Variants in CECR2 observed in about 807,000 individuals in gnomAD.
CECR2 encodes CECR2 histone acetyl-lysine reader.
A neutral mutation model predicts 154.5 loss-of-function variants in CECR2; 30 were observed. The observed-to-expected ratio is 0.19, with a 90% CI of 0.15 to 0.26. The LOEUF is 0.26. Among genes scored for constraint, CECR2 ranks in the 10% least tolerant of loss-of-function variants. CECR2 has a pLI of 1.00. For missense variants in CECR2, 1,743 were observed against 1,829.3 expected (o/e 0.95, Z 0.86); for synonymous variants, 725 against 683.7 (o/e 1.06, Z -0.94).
chr22:17,513,608 A>G (rs1361000693), intron 8 of CECR2, among the ~76,000 whole-genome samples: 1 of 152,202 alleles, frequency 6.6e-6, no homozygotes, highest in Non-Finnish European at 1.5e-5. Flanking sequence ...TGACAATTCT[A>G]TTCATGATTG....
chr22:17,472,104 T>C (rs1407680742), intron 1 of CECR2, among the ~76,000 whole-genome samples: 3 of 152,142 alleles, frequency 2.0e-5, no homozygotes, highest in Non-Finnish European at 4.4e-5. Context: ...AATGACATGG[T>C]TCCAGCAAAG....
intron 1 of CECR2, among the ~76,000 whole-genome samples, chr22:17,465,404 G>A (rs1171426860): frequency 1.3e-5 from 2 of 151,656 alleles, no homozygotes; most frequent in African/African-American, 4.8e-5. Flanking sequence ...GTCTTGGCTT[G>A]CTGCAATCTC....
At chr22:17,478,396 C>A (rs1397883336) in intron 2 of CECR2, among the ~76,000 whole-genome samples, 2 of 145,048 alleles carry the variant, frequency 1.4e-5, no homozygotes, top group Non-Finnish European at 3.0e-5. Context: ...CACTCTGTCG[C>A]CCAGGCTGGA....
chr22:17,362,379 C>T (rs1213050298), intron 1 of CECR2, among the ~76,000 whole-genome samples: 1 of 152,100 alleles, frequency 6.6e-6, no homozygotes, highest in Non-Finnish European at 1.5e-5. Flanking sequence ...CAAGTGAGTA[C>T]TGATTATTTA....
intron 1 of CECR2, among the ~76,000 whole-genome samples, chr22:17,415,493 T>C (rs1184227777): frequency 6.6e-6 from 1 of 152,192 alleles, no homozygotes; most frequent in Non-Finnish European, 1.5e-5. Context: ...CTTCCTGCCT[T>C]GGCCTCCCAA....
At chr22:17,394,128 C>A (rs1334168938) in intron 1 of CECR2, among the ~76,000 whole-genome samples, 1 of 151,120 alleles carries the variant, frequency 6.6e-6, no homozygotes, top group Non-Finnish European at 1.5e-5. Context: ...CTCAGGTGAT[C>A]CACCTGCCTC....
chr22:17,478,090 A>T (rs12157684), intron 2 of CECR2, among the ~76,000 whole-genome samples: 4,507 of 140,770 alleles, frequency 0.032, 227 homozygotes, highest in African/African-American at 0.11. Context: ...CTGATGTAAT[A>T]AAAAAAAAAG....
chr22:17,480,886 A>C (rs1248314023), intron 2 of CECR2, among the ~76,000 whole-genome samples: 1 of 151,686 alleles, frequency 6.6e-6, no homozygotes, highest in Admixed American at 6.6e-5. Context: ...CTAAAAATAC[A>C]AAAATTAGCC....
chr22:17,506,596 G>A (rs979243717), intron 7 of CECR2, among the ~76,000 whole-genome samples: 1 of 152,114 alleles, frequency 6.6e-6, no homozygotes, highest in African/African-American at 2.4e-5. Flanking sequence ...CAAGGACCAT[G>A]TCTTATCTTT....
intron 1 of CECR2, among the ~76,000 whole-genome samples, chr22:17,438,803 T>C (rs1023225471): frequency 2.0e-5 from 3 of 152,206 alleles, no homozygotes; most frequent in Non-Finnish European, 4.4e-5. Context: ...GTGTGTTATT[T>C]CTTATTGATT....
chr22:17,468,829 A>G (rs2055074753), intron 1 of CECR2, among the ~76,000 whole-genome samples: 1 of 152,164 alleles, frequency 6.6e-6, no homozygotes, highest in Non-Finnish European at 1.5e-5. Flanking sequence ...AAAGAAATGT[A>G]TTTCTCGTAG....
intron 1 of CECR2, among the ~76,000 whole-genome samples, chr22:17,431,925 GCAGGC>G (rs2054430144): frequency 6.6e-6 from 1 of 152,162 alleles, no homozygotes; most frequent in Non-Finnish European, 1.5e-5. Context: ...AAACCTTTCA[GCAGGC>G]ACACTCCACT....
intron 1 of CECR2, among the ~76,000 whole-genome samples, chr22:17,446,495 AT>A: frequency 6.6e-6 from 1 of 152,162 alleles, no homozygotes; most frequent in Non-Finnish European, 1.5e-5. Flanking sequence ...AGGCGGGCGG[AT>A]CACGAGGTCA....
chr22:17,435,745 C>T (rs995923760), intron 1 of CECR2, among the ~76,000 whole-genome samples: 1 of 139,414 alleles, frequency 7.2e-6, no homozygotes, highest in Non-Finnish European at 1.5e-5. Context: ...TCCAGTGAAA[C>T]GGTGATTTTT....
At chr22:17,390,189 T>C (rs2063311540) in intron 1 of CECR2, among the ~76,000 whole-genome samples, 1 of 152,216 alleles carries the variant, frequency 6.6e-6, no homozygotes, top group South Asian at 2.1e-4. Context: ...AGTGTTTGTC[T>C]TTCTTGAGCT....
At chr22:17,397,562 A>C (rs540983351) in intron 1 of CECR2, among the ~76,000 whole-genome samples, 20 of 151,972 alleles carry the variant, frequency 1.3e-4, no homozygotes, top group South Asian at 4.2e-4. Flanking sequence ...CAGTGGCGCT[A>C]TCTCTGCTCA....
intron 1 of CECR2, among the ~76,000 whole-genome samples, chr22:17,443,628 C>T (rs1173076527): frequency 2.0e-5 from 3 of 152,308 alleles, no homozygotes; most frequent in Admixed American, 1.3e-4. Flanking sequence ...GCAGCGAGGA[C>T]GGGCCTTTCT....
chr22:17,501,559 A>C (rs1298504330), intron 5 of CECR2, among the ~76,000 whole-genome samples: 1 of 149,718 alleles, frequency 6.7e-6, no homozygotes, highest in Non-Finnish European at 1.5e-5. Context: ...CTCCATCTCA[A>C]AAAAAAAAAG....
intron 1 of CECR2, among the ~76,000 whole-genome samples, chr22:17,393,755 T>A (rs2053765164): frequency 6.6e-6 from 1 of 152,196 alleles, no homozygotes; most frequent in Non-Finnish European, 1.5e-5. Flanking sequence ...TGCTTAATGA[T>A]GTTGAGCACC....
Sources: gnomAD v4.1 joint callset for allele counts (sites outside exome capture counted in the v4.1 genomes callset) on GRCh38, gnomAD v4.1.1 for gene constraint, MANE v1.5 for transcripts, NCBI Gene and HGNC (gene_info 2026-07-23, HGNC 2026-07-21) for gene names.